SCOC: variants seen among roughly 807,000 people sequenced by gnomAD.
SCOC encodes short coiled coil protein.
SCOC carries 7 observed loss-of-function variants against 9.9 expected under a neutral mutation model. That is an observed-to-expected ratio of 0.71 (90% CI 0.40 to 1.33). The LOEUF (loss-of-function observed/expected upper bound fraction) is 1.33, where lower values mean the gene tolerates loss of function less well. Among genes scored for constraint, SCOC ranks in the 40% most tolerant of loss-of-function variants. The pLI, the probability that SCOC is intolerant of heterozygous loss-of-function variation, is 0.01. For missense variants in SCOC, 66 were observed against 89.7 expected, an observed-to-expected ratio of 0.74 and a Z score of 1.07; for synonymous variants, 19 against 28.2, an observed-to-expected ratio of 0.67 and a Z score of 1.03.
intron 1 of SCOC, among the ~76,000 whole-genome samples, chr4:140,291,011 A>C (rs1731454568): frequency 6.6e-6 from 1 of 152,182 alleles, no homozygotes; most frequent in Non-Finnish European, 1.5e-5. Context: ...AGAAGCCTGC[A>C]TTATTGTTTT....
intron 1 of SCOC, among the ~76,000 whole-genome samples, chr4:140,312,054 G>A (rs1434325079): frequency 1.3e-5 from 2 of 152,056 alleles, no homozygotes; most frequent in South Asian, 4.1e-4. Context: ...ATATGAATTG[G>A]GATTTACTTG....
intron 2 of SCOC, among the ~76,000 whole-genome samples, chr4:140,360,467 C>A (rs1017378525): frequency 6.6e-6 from 1 of 152,116 alleles, no homozygotes; most frequent in African/African-American, 2.4e-5. Context: ...ACCTAACGTT[C>A]TGTAAGCGTG....
intron 1 of SCOC, among the ~76,000 whole-genome samples, chr4:140,321,424 A>G (rs1281925539): frequency 2.6e-5 from 4 of 152,214 alleles, no homozygotes; most frequent in Non-Finnish European, 2.9e-5. Flanking sequence ...AAATATGTTA[A>G]AGACTAATGG....
chr4:140,268,058 A>G (rs565740215), intron 1 of SCOC, among the ~76,000 whole-genome samples: 4 of 152,276 alleles, frequency 2.6e-5, no homozygotes, highest in African/African-American at 9.6e-5. Context: ...AGAACGACAT[A>G]AGCTGTTATC....
chr4:140,327,864 G>T (rs1732694919), intron 1 of SCOC, among the ~76,000 whole-genome samples: 1 of 152,174 alleles, frequency 6.6e-6, no homozygotes, highest in Admixed American at 6.5e-5. Context: ...ATCAGGGAAA[G>T]AAGCTGTTTG....
At chr4:140,320,834 G>T (rs1220698437) in intron 1 of SCOC, among the ~76,000 whole-genome samples, 3 of 152,172 alleles carry the variant, frequency 2.0e-5, no homozygotes, top group Non-Finnish European at 4.4e-5. Flanking sequence ...GCTTCACTTT[G>T]GGGGCAGGGC....
In SCOC at chr4:140,366,811, G is replaced by A. The variant is rs1254665251; in HGVS notation, c.71-12310G>A. The A allele has an allele frequency of 4.6e-6, 5 of 1,095,598 alleles. No individual in the cohort carries two copies. In the African/African-American group the frequency reaches 7.7e-5, roughly 17 times the overall value. The allele number at this position is 1,095,598 out of a possible 1,614,324, so 67.9% of individuals were successfully genotyped here. A position where few individuals can be genotyped will look rare whatever the true frequency, so the allele number is the denominator to read the frequency against. ...AACCAATTTTCTGGCACGAGGTCCA[G>A]AGGGGATGTAGCCCACACGGCCAAC... On this transcript the variant is annotated intron_variant, in intron 2 of 4. Transcript: ENST00000338517.
chr4:140,364,425 ATATC>A (rs1727698844), intron 2 of SCOC, among the ~76,000 whole-genome samples: 1 of 152,180 alleles, frequency 6.6e-6, no homozygotes, highest in African/African-American at 2.4e-5. Flanking sequence ...AGGAGACAGA[ATATC>A]TGCCTGAACA....
intron 1 of SCOC, among the ~76,000 whole-genome samples, chr4:140,263,427 C>G (rs1191236795): frequency 1.3e-5 from 2 of 152,150 alleles, no homozygotes; most frequent in Non-Finnish European, 2.9e-5. Context: ...CATCTGTGCT[C>G]AGAGACTCTC....
chr4:140,375,797 T>C (rs980645382), intron 1 of SCOC, among the ~76,000 whole-genome samples: 1 of 152,208 alleles, frequency 6.6e-6, no homozygotes, highest in African/African-American at 2.4e-5. Flanking sequence ...CTGTGTTTTT[T>C]GAGAAACCTT....
In SCOC at chr4:140,353,572, G is replaced by A. The variant is rs140942066; in HGVS notation, c.70+9864G>A. Among the ~76,000 whole-genome samples the A allele has an allele frequency of 8.1e-3, 1,238 of 152,120 alleles. 12 individuals carry two copies. Among genetic ancestry groups the A allele is most frequent in the African/African-American group, 0.029 (1,206 of 41,520 alleles). On this transcript the variant is annotated intron_variant, in intron 2 of 4. Coordinates refer to the SCOC transcript ENST00000338517. ...ATTATGGGTGCACGCCACCACGCCC[G>A]GCTAATTTTTTTGTATTTTTAGTAG...
Position 140,257,770 on chromosome 4 carries a change from G to A in SCOC, c.-19+360G>A, listed in dbSNP as rs141814370. On this transcript the variant is annotated intron_variant, in intron 1 of 4. Coordinates refer to the SCOC transcript ENST00000394205. ...AATAAGCACTTTTAAGTGCCAGCCA[G>A]CATCATGATCATGACTGTTTCTATC... Among the ~76,000 whole-genome samples, 373 of 152,310 alleles carry A rather than the reference G, an allele frequency of 2.4e-3. 3 individuals carry two copies. Among genetic ancestry groups the A allele is most frequent in the East Asian group, 0.019 (96 of 5,178 alleles).
intron 2 of SCOC, among the ~76,000 whole-genome samples, chr4:140,360,283 C>T (rs1042693480): frequency 2.6e-5 from 4 of 152,314 alleles, no homozygotes; most frequent in Non-Finnish European, 4.4e-5. Context: ...AGGTCACCAG[C>T]ATACCATCTC....
intron 1 of SCOC, among the ~76,000 whole-genome samples, chr4:140,258,444 G>T (rs1365646799): frequency 6.6e-6 from 1 of 152,004 alleles, no homozygotes; most frequent in Non-Finnish European, 1.5e-5. Flanking sequence ...TTTGATTAAG[G>T]GTTACCCTAA....
intron 1 of SCOC, chr4:140,291,653 G>T: frequency 2.6e-6 from 1 of 381,090 alleles, no homozygotes; most frequent in South Asian, 1.9e-5. Context: ...TTATTAATAT[G>T]TTCTGGGAAT....
intron 1 of SCOC, chr4:140,283,881 C>G (rs1169071320): frequency 2.0e-5 from 3 of 152,178 alleles, no homozygotes; most frequent in Admixed American, 1.3e-4. Context: ...GTGAGCAAGT[C>G]TGGGCACAAA....
At chr4:140,309,671 T>C (rs1732094429) in intron 1 of SCOC, among the ~76,000 whole-genome samples, 1 of 152,180 alleles carries the variant, frequency 6.6e-6, no homozygotes, top group Admixed American at 6.5e-5. Context: ...CATGATAACA[T>C]ATGCAAGAGA....
At chr4:140,260,911 C>A (rs957206106) in intron 1 of SCOC, among the ~76,000 whole-genome samples, 3 of 152,120 alleles carry the variant, frequency 2.0e-5, no homozygotes, top group African/African-American at 7.2e-5. Context: ...TAAAAAACAG[C>A]TGATTAATAG....
chr4:140,335,876 A>G (rs941945315), intron 1 of SCOC, among the ~76,000 whole-genome samples: 1 of 152,200 alleles, frequency 6.6e-6, no homozygotes, highest in African/African-American at 2.4e-5. Flanking sequence ...ATGCACACAC[A>G]CAAACATACA....
Sources: gnomAD v4.1 joint callset for allele counts (sites outside exome capture counted in the v4.1 genomes callset) on GRCh38, gnomAD v4.1.1 for gene constraint, MANE v1.5 for transcripts, NCBI Gene and HGNC (gene_info 2026-07-23, HGNC 2026-07-21) for gene names.